The following FBXL13 variants were observed in gnomAD, a reference collection of about 807,000 sequenced individuals.
FBXL13 encodes the protein F-box and leucine rich repeat protein 13, also known as F-box and leucine-rich repeat protein 13.
Under a neutral mutation model 83.6 loss-of-function variants are expected in FBXL13, and 67 were observed. That is an observed-to-expected ratio of 0.80 (90% confidence interval 0.66 to 0.98). The LOEUF is 0.98. Ranked by LOEUF, FBXL13 falls within the 50% of genes least tolerant of loss-of-function variation. The pLI is 0.00. For synonymous variants in FBXL13, 272 were observed against 299.5 expected (o/e 0.91, Z 0.95); for missense variants, 822 against 866.5 (o/e 0.95, Z 0.64).
intron 11 of FBXL13, among the ~76,000 whole-genome samples, chr7:102,890,235 C>A (rs1563050604): frequency 6.6e-6 from 1 of 152,142 alleles, no homozygotes; most frequent in Non-Finnish European, 1.5e-5. Flanking sequence ...AAGGAAAAAG[C>A]AAAATATGTT....
At chr7:102,815,130 C>A in intron 19 of FBXL13, among the ~76,000 whole-genome samples, 1 of 152,270 alleles carries the variant, frequency 6.6e-6, no homozygotes, top group African/African-American at 2.4e-5. Context: ...CTTCACCCAT[C>A]TCTATCAGTC....
chr7:102,981,033 C>T (rs898775307), intron 6 of FBXL13, among the ~76,000 whole-genome samples: 1 of 152,130 alleles, frequency 6.6e-6, no homozygotes, highest in Admixed American at 6.5e-5. Context: ...AAATGGCCAA[C>T]AAGCCTTGGA....
At chr7:102,909,743 G>C (rs1814344881) in intron 11 of FBXL13, among the ~76,000 whole-genome samples, 1 of 152,158 alleles carries the variant, frequency 6.6e-6, no homozygotes, top group Non-Finnish European at 1.5e-5. Context: ...ATCCTGCCGT[G>C]GCTGAGCTGG....
At chr7:102,986,771 G>A (rs1451111905) in intron 6 of FBXL13, among the ~76,000 whole-genome samples, 2 of 103,668 alleles carry the variant, frequency 1.9e-5, no homozygotes, top group Non-Finnish European at 5.2e-5. Context: ...CAAGTACTAG[G>A]GAGTATTTTT....
chr7:103,071,808 T>C (rs932981119), intron 1 of FBXL13, among the ~76,000 whole-genome samples: 4 of 152,124 alleles, frequency 2.6e-5, no homozygotes, highest in Admixed American at 1.3e-4. Context: ...AGGTTAAATA[T>C]ACAGGGAAAA....
chr7:103,036,763 C>T (rs1452882997), intron 2 of FBXL13, among the ~76,000 whole-genome samples: 5 of 152,186 alleles, frequency 3.3e-5, no homozygotes, highest in Middle Eastern at 3.2e-3. Flanking sequence ...CTGCCCACTT[C>T]GGCCTCCCAA....
At chr7:102,883,349 T>C (rs1810368440) in exon 14 of FBXL13, 1 of 1,613,506 alleles carries the variant, frequency 6.2e-7, no homozygotes, top group Non-Finnish European at 8.5e-7. Flanking sequence ...GCTTCAAAGG[T>C]GAAAGGGATC....
At chr7:103,073,288 T>G (rs2129511028) in intron 1 of FBXL13, among the ~76,000 whole-genome samples, 1 of 152,322 alleles carries the variant, frequency 6.6e-6, no homozygotes, top group African/African-American at 2.4e-5. Context: ...AATGGACAGT[T>G]GCTAAGCAAC....
At chr7:103,070,902 C>A (rs1168491760) in intron 1 of FBXL13, among the ~76,000 whole-genome samples, 2 of 152,214 alleles carry the variant, frequency 1.3e-5, no homozygotes, top group Non-Finnish European at 2.9e-5. Context: ...CCACCTCCAA[C>A]ACTGGGGATC....
At chr7:103,072,904 A>G (rs1212344284) in intron 1 of FBXL13, among the ~76,000 whole-genome samples, 15 of 152,170 alleles carry the variant, frequency 9.9e-5, no homozygotes, top group African/African-American at 3.4e-4. Flanking sequence ...CTATTAATAT[A>G]TGCCTGGCAA....
At chr7:103,027,641 A>G in intron 4 of FBXL13, 83 bp from the exon 6 acceptor site, 3 of 828,492 alleles carry the variant, frequency 3.6e-6, no homozygotes, top group Non-Finnish European at 5.5e-6. Flanking sequence ...ATAGTCTATC[A>G]TGTTTATGAG....
At chr7:102,816,513 C>G (rs1232859827) in intron 19 of FBXL13, among the ~76,000 whole-genome samples, 1 of 152,148 alleles carries the variant, frequency 6.6e-6, no homozygotes, top group Non-Finnish European at 1.5e-5. Context: ...ACCTAAGACC[C>G]AGGACCTTGC....
chr7:103,033,020 ACT>A (rs777180380), intron 2 of FBXL13, among the ~76,000 whole-genome samples: 2 of 150,934 alleles, frequency 1.3e-5, no homozygotes, highest in East Asian at 1.9e-4. Context: ...ACAGAGTGAG[ACT>A]CTCTCTCTCT....
At chr7:102,968,462 G>T (rs1003340751) in intron 6 of FBXL13, among the ~76,000 whole-genome samples, 1 of 152,152 alleles carries the variant, frequency 6.6e-6, no homozygotes, top group Admixed American at 6.5e-5. Flanking sequence ...TCCATAAATA[G>T]TCATTGGTAC....
chr7:102,874,395 G>A, intron 16 of FBXL13: 1 of 984,614 alleles, frequency 1.0e-6, no homozygotes, highest in Non-Finnish European at 1.2e-6. Flanking sequence ...AACTGACTTG[G>A]AGGAAGAAAA....
At chr7:102,817,759 G>C (rs921553093) in intron 19 of FBXL13, among the ~76,000 whole-genome samples, 3 of 152,048 alleles carry the variant, frequency 2.0e-5, no homozygotes, top group Non-Finnish European at 4.4e-5. Context: ...GTATTCTTAG[G>C]AACCACTGTG....
At position 103,027,560 on chromosome 7, in the gene FBXL13, TGA is replaced by T. The variant is rs774214992; in HGVS notation, c.218-4_218-3del. On this transcript the variant is annotated splice_region_variant and splice_polypyrimidine_tract_variant and intron_variant, in intron 4 of 19. Coordinates refer to ENST00000313221, the Ensembl canonical transcript of FBXL13. The stretch of plus-strand genomic sequence containing the variant: ...TCTGTTGTATCCGCAATAGAATATC[TGA>T]AGGAAATTTACTAGATTACTGTATA... 1 of 1,576,710 alleles carries T rather than the reference TGA, an allele frequency of 6.3e-7. No homozygotes were observed. Among genetic ancestry groups the T allele is most frequent in the Non-Finnish European group, 8.7e-7 (1 of 1,150,430 alleles).
At chr7:102,898,187 T>C (rs892380292) in intron 11 of FBXL13, among the ~76,000 whole-genome samples, 1 of 152,088 alleles carries the variant, frequency 6.6e-6, no homozygotes, top group African/African-American at 2.4e-5. Context: ...CACATACATA[T>C]ATATGTGTAT....
chr7:103,003,793 T>C (rs1307341621), intron 6 of FBXL13, among the ~76,000 whole-genome samples: 1 of 152,016 alleles, frequency 6.6e-6, no homozygotes, highest in Non-Finnish European at 1.5e-5. Flanking sequence ...GCCAGGCCAG[T>C]CTCAAACTTC....
Sources: allele counts gnomAD v4.1 joint callset (sites outside exome capture counted in the v4.1 genomes callset), GRCh38; gene constraint gnomAD v4.1.1; transcripts MANE v1.5; gene names NCBI Gene and HGNC (gene_info 2026-07-23, HGNC 2026-07-21).